The following AFM variants were observed in gnomAD, a reference collection of about 807,000 sequenced individuals.
AFM encodes afamin, also known as alpha-Alb.
Under a neutral mutation model 68.7 loss-of-function variants are expected in AFM, and 82 were observed. The ratio of observed to expected loss-of-function variants is 1.19; its 90% confidence interval spans 1.00 to 1.43. The LOEUF (loss-of-function observed/expected upper bound fraction) is 1.43. Ranked by LOEUF, AFM falls within the 40% of genes most tolerant of loss-of-function variation. The probability of loss-of-function intolerance (pLI) is 0.00; values close to 1 mark genes in which losing one functional copy is unlikely to be tolerated. For synonymous variants in AFM, 250 were observed against 234.2 expected (o/e 1.07, Z -0.61); for missense variants, 772 against 701.8 (o/e 1.10, Z -1.13).
In AFM at chr4:73,485,875, A is replaced by G. The variant is rs1309733649; in HGVS notation, c.284A>G (p.Gln95Arg). Residue 95 changes from glutamine to arginine, a missense_variant, in exon 4 of 15, where the codon CAG becomes CGG. Physicochemically the swap from Gln to Arg is conservative, Grantham distance 43. Transcript: ENST00000226355. ...ECSKLPNNVL[Q>R]EKICAMEGLP... is the part of the protein sequence containing the mutation. ...TCTGTTGTATAGAATAATGTTTTAC[A>G]GGAAAAAATATGTGCTATGGAGGGG... The G allele has an allele frequency of 1.2e-6, 2 of 1,613,864 alleles. No homozygotes were observed. The highest frequency in any genetic ancestry group is 2.2e-5 in the South Asian group (2 of 91,076).
intron 8 of AFM, among the ~76,000 whole-genome samples, chr4:73,494,796 C>G (rs1721204840): frequency 6.6e-6 from 1 of 152,080 alleles, no homozygotes; most frequent in African/African-American, 2.4e-5. Context: ...AAGCCACTGC[C>G]AGTGATTTGG....
At chr4:73,494,717 C>A (rs766130817) in intron 8 of AFM, among the ~76,000 whole-genome samples, 1 of 152,190 alleles carries the variant, frequency 6.6e-6, no homozygotes, top group Non-Finnish European at 1.5e-5. Context: ...AACTGTTAGC[C>A]TTCTTCCTCT....
At chr4:73,496,920 A>G (rs1279437112) in intron 9 of AFM, among the ~76,000 whole-genome samples, 1 of 152,148 alleles carries the variant, frequency 6.6e-6, no homozygotes, top group Non-Finnish European at 1.5e-5. Context: ...ACACCAGTTT[A>G]TACCCACTCA....
intron 3 of AFM, among the ~76,000 whole-genome samples, chr4:73,485,530 A>C (rs138277812): frequency 2.6e-5 from 4 of 151,878 alleles, no homozygotes; most frequent in Admixed American, 6.6e-5. Context: ...TCCAAAGAAG[A>C]AGCAGAAAAC....
chr4:73,501,594 G>A (rs896774916), intron 12 of AFM, among the ~76,000 whole-genome samples, 193 bp from the exon 13 acceptor site: 1 of 151,966 alleles, frequency 6.6e-6, no homozygotes, highest in Non-Finnish European at 1.5e-5. Context: ...ACCCTTCAAA[G>A]AATGTTACTG....
At position 73,495,429 on chromosome 4, in the gene AFM, C is replaced by G. The variant is rs541901694; in HGVS notation, c.1188C>G (p.Tyr396Ter). The G allele has an allele frequency of 6.2e-7, 1 of 1,608,714 alleles. No homozygotes were observed. Among genetic ancestry groups the G allele is most frequent in the African/African-American group, 1.3e-5 (1 of 74,558 alleles). ...AAAACCCTCCAGGTTGTTACCGTTA[C>G]GCGGTAGGTTCCATTGTTGTAGGTT... is the stretch of plus-strand genomic sequence containing the variant. Reference protein sequence around the residue: ...NTENPPGCYRYAEDKFNETTE... With the variant: ...NTENPPGCYR The change falls in exon 9 of 15, where the codon TAC (tyrosine) becomes TAG (stop). Residue 396 changes from tyrosine (Y) to a stop codon, truncating the protein, a stop_gained. Transcript: ENST00000226355. LOFTEE classifies it high-confidence loss of function.
chr4:73,499,925 A>G (rs1182956136), intron 11 of AFM, 79 bp from the exon 12 acceptor site: 1 of 1,163,648 alleles, frequency 8.6e-7, no homozygotes, highest in Non-Finnish European at 1.3e-6. Flanking sequence ...GAAAGATCTA[A>G]GTATTCATCT....
chr4:73,501,100 A>G (rs1010701590), intron 12 of AFM, among the ~76,000 whole-genome samples: 4 of 152,160 alleles, frequency 2.6e-5, no homozygotes, highest in Admixed American at 2.6e-4. Context: ...TAAGACATCA[A>G]TGGGTTGCCC....
chr4:73,484,462 CT>C (rs1224317294), intron 3 of AFM, 72 bp downstream of exon 3: 2 of 494,668 alleles, frequency 4.0e-6, no homozygotes, highest in Non-Finnish European at 6.9e-6. Context: ...TTCTTTCTTT[CT>C]TTCTTTCTTT....
chr4:73,495,527 G>C, intron 9 of AFM, 95 bp downstream of exon 9: 1 of 1,479,728 alleles, frequency 6.8e-7, no homozygotes, highest in Non-Finnish European at 9.1e-7. Context: ...TCTGGGGGTA[G>C]AAAATGTGAT....
In AFM at chr4:73,499,177, C is replaced by G; in HGVS notation, c.1353C>G (p.Gly451=). The change falls in exon 11 of 15, where the codon GGC becomes GGG. Residue 451 remains glycine (G), a synonymous_variant. Transcript: ENST00000226355. ...CCACTGAAGAACTGGTGTCTCTTGGCGAGAAAATGGTGACAGCTTTCACTA... is the reference window on the plus strand; with the variant it reads ...CCACTGAAGAACTGGTGTCTCTTGGGGAGAAAATGGTGACAGCTTTCACTA... ...QLSTEELVSL[G]EKMVTAFTTC... is the part of the protein sequence containing the mutation. The G allele has an allele frequency of 6.2e-7, 1 of 1,612,878 alleles. No homozygotes were observed. The highest frequency in any genetic ancestry group is 1.1e-5 in the South Asian group (1 of 90,958).
At chr4:73,498,310 C>G (rs1721315162) in intron 10 of AFM, among the ~76,000 whole-genome samples, 1 of 151,776 alleles carries the variant, frequency 6.6e-6, no homozygotes, top group Non-Finnish European at 1.5e-5. Flanking sequence ...ATTTTTGAGA[C>G]AGGGTCTCTC....
chr4:73,499,873 A>C, intron 11 of AFM, 131 bp from the exon 12 acceptor site: 1 of 733,100 alleles, frequency 1.4e-6, no homozygotes, highest in Non-Finnish European at 2.3e-6. Flanking sequence ...GGGATATGTC[A>C]TGAGTGCATG....
At position 73,491,956 on chromosome 4, in the gene AFM, C is replaced by G. The variant is rs536766988; in HGVS notation, c.928C>G (p.Arg310Gly). 1 of 1,613,830 alleles carries G rather than the reference C, an allele frequency of 6.2e-7. No homozygotes were observed. The highest frequency in any genetic ancestry group is 2.2e-5 in the East Asian group (1 of 44,842). ...GTGCTGTGAAAAGAAAATACCAGAG[C>G]GCGGCCAGTGCATAATTAACTCAAA... ...KECCEKKIPERGQCIINSNKD... is the reference protein window; with the variant it reads ...KECCEKKIPEGGQCIINSNKD... Residue 310 changes from arginine to glycine, a missense_variant, in exon 8 of 15, where the codon CGC becomes GGC. Physicochemically the swap from Arg to Gly is moderately radical, Grantham distance 125 (BLOSUM62 -2). Coordinates refer to ENST00000226355, the MANE Select transcript of AFM (RefSeq NM_001133.2).
intron 7 of AFM, among the ~76,000 whole-genome samples, chr4:73,489,039 A>G (rs1320986453): frequency 6.6e-6 from 1 of 152,202 alleles, no homozygotes; most frequent in African/African-American, 2.4e-5. Flanking sequence ...TAGTTCATTT[A>G]GTACAGATTG....
Position 73,487,083 on chromosome 4 carries a change from A to T in AFM, c.599A>T (p.Asn200Ile), listed in dbSNP as rs61747694. 4,235 of 1,613,962 alleles carry T rather than the reference A, an allele frequency of 2.6e-3. 115 individuals carry two copies. In the African/African-American group the frequency reaches 0.05, roughly 19 times the overall value. Residue 200 changes from asparagine to isoleucine, a missense_variant, in exon 5 of 15, where the codon AAC becomes ATC. Coordinates refer to ENST00000226355, the MANE Select transcript of AFM (RefSeq NM_001133.2). The part of the protein sequence containing the change: ...KSCCEEQNKV[N>I]CLQTRAIPVT... ...TGTTGTGAAGAACAAAACAAAGTCAACTGCCTTCAAACAAGGGTGGGTATA... is the reference window on the plus strand; with the variant it reads ...TGTTGTGAAGAACAAAACAAAGTCATCTGCCTTCAAACAAGGGTGGGTATA...
chr4:73,496,801 T>C (rs1721271255), intron 9 of AFM, among the ~76,000 whole-genome samples: 1 of 152,248 alleles, frequency 6.6e-6, no homozygotes, highest in Non-Finnish European at 1.5e-5. Context: ...TATGTATTTC[T>C]GAATACATAT....
At chr4:73,498,425 A>G (rs1261844379) in intron 10 of AFM, among the ~76,000 whole-genome samples, 3 of 152,120 alleles carry the variant, frequency 2.0e-5, no homozygotes, top group Non-Finnish European at 4.4e-5. Flanking sequence ...AGCTAGGGCT[A>G]CAGACGTGAG....
Position 73,500,160 on chromosome 4 carries a change from G to C in AFM, c.1579G>C (p.Asp527His), listed in dbSNP as rs1384868010. The change falls in exon 12 of 15, where the codon GAT (aspartate) becomes CAT (histidine). Residue 527 changes from aspartate (D) to histidine (H), a missense_variant. Asp to His is a moderately conservative substitution (Grantham distance 81). Transcript: ENST00000226355. Reference protein sequence around the residue: ...KTYVPPPFSQDLFTFHADMCQ... With the variant: ...KTYVPPPFSQHLFTFHADMCQ... ...ATATGTGCCTCCACCTTTCTCTCAA[G>C]ATTTATTTACCTTTCACGCAGACAT... 1 of 1,613,946 alleles carries C rather than the reference G, an allele frequency of 6.2e-7. No individual in the cohort carries two copies. Among genetic ancestry groups the C allele is most frequent in the South Asian group, 1.1e-5 (1 of 91,078 alleles).
Sources: allele counts gnomAD v4.1 joint callset (sites outside exome capture counted in the v4.1 genomes callset), GRCh38; gene constraint gnomAD v4.1.1; transcripts MANE v1.5; gene names NCBI Gene and HGNC (gene_info 2026-07-23, HGNC 2026-07-21).